The following FRAS1 variants were observed in gnomAD, a reference collection of about 807,000 sequenced individuals.
FRAS1 encodes the protein extracellular matrix organizing protein FRAS1.
In FRAS1, 290 loss-of-function variants were observed where a neutral mutation model predicts 435.2. The ratio of observed to expected loss-of-function variants is 0.67; its 90% CI spans 0.61 to 0.73. FRAS1 has a LOEUF of 0.73. FRAS1 is among the 30% of genes least tolerant of loss of function. The pLI is 0.00. For synonymous variants in FRAS1, 1,800 were observed against 1,851.0 expected (o/e 0.97, Z 0.71); for missense variants, 4,860 against 5,001.5 (o/e 0.97, Z 0.85).
intron 58 of FRAS1, among the ~76,000 whole-genome samples, chr4:78,487,190 T>C (rs557726508): frequency 1.0e-3 from 154 of 152,326 alleles, no homozygotes; most frequent in Non-Finnish European, 1.5e-3. Flanking sequence ...CCTAACTGGT[T>C]AGGCCTACAG....
Position 78,281,419 on chromosome 4 carries a change from GT to G in FRAS1, c.1095del (p.Lys366AsnfsTer24). 1 of 1,575,610 alleles carries G rather than the reference GT, an allele frequency of 6.3e-7. No homozygotes were observed. The highest frequency in any genetic ancestry group is 8.6e-7 in the Non-Finnish European group (1 of 1,162,238). On this transcript the variant is annotated frameshift_variant, in exon 11 of 74. Coordinates refer to ENST00000512123, the MANE Select transcript of FRAS1 (RefSeq NM_025074.7). LOFTEE classifies it high-confidence loss of function. ...GEFMSSNASE[V>X]KRIPEGEKWE... Reference sequence around the variant, plus strand: ...CTAGATGTCATCAAATGCTAGTGAAGTTAAACGTATTCCAGTAAGTATAGCT... The same window carrying G: ...CTAGATGTCATCAAATGCTAGTGAAGTAAACGTATTCCAGTAAGTATAGCT...
At chr4:78,097,969 G>A (rs1741901401) in intron 2 of FRAS1, among the ~76,000 whole-genome samples, 1 of 140,110 alleles carries the variant, frequency 7.1e-6, no homozygotes, top group African/African-American at 3.2e-5. Flanking sequence ...GAGGTCCTCA[G>A]AAGAAACCAT....
In FRAS1 at chr4:78,438,940, C is replaced by T. The variant is rs1224772266; in HGVS notation, c.5405C>T (p.Thr1802Ile). The change falls in exon 40 of 74, where the codon ACT becomes ATT. Residue 1802 changes from threonine (T) to isoleucine (I), a missense_variant. Physicochemically the swap from Thr to Ile is moderately conservative, Grantham distance 89. Transcript: ENST00000512123. ...AVFETDGHLV[T>I]DSFYFSVSDM... is the part of the protein sequence containing the mutation. The stretch of plus-strand genomic sequence containing the variant: ...TTTGAAACTGATGGTCATCTGGTTA[C>T]TGATAGCTTCTATTTCTCTGTCTCT... 6 of 1,612,164 alleles carry T rather than the reference C, an allele frequency of 3.7e-6. No homozygotes were observed. Among genetic ancestry groups the T allele is most frequent in the Non-Finnish European group, 5.1e-6 (6 of 1,179,506 alleles).
intron 2 of FRAS1, among the ~76,000 whole-genome samples, chr4:78,119,757 GA>G (rs1718905134): frequency 6.6e-6 from 1 of 152,172 alleles, no homozygotes; most frequent in Non-Finnish European, 1.5e-5. Flanking sequence ...CGAGATGAGG[GA>G]GGATCCTGAG....
At chr4:78,383,301 A>G (rs1732093177) in intron 27 of FRAS1, among the ~76,000 whole-genome samples, 1 of 152,222 alleles carries the variant, frequency 6.6e-6, no homozygotes, top group Non-Finnish European at 1.5e-5. Flanking sequence ...ATTGTGCTCC[A>G]GGACAGTCTG....
chr4:78,149,606 A>G (rs976410862), intron 2 of FRAS1, among the ~76,000 whole-genome samples: 4 of 152,084 alleles, frequency 2.6e-5, no homozygotes, highest in Non-Finnish European at 5.9e-5. Flanking sequence ...TCACTTGCTA[A>G]TCTATTTTGG....
chr4:78,476,651 G>C (rs1242310013), intron 54 of FRAS1, among the ~76,000 whole-genome samples: 1 of 152,154 alleles, frequency 6.6e-6, no homozygotes, highest in Admixed American at 6.5e-5. Context: ...ATGATAAGAC[G>C]GAGGATATTC....
At chr4:78,094,881 T>TG (rs1741713758) in intron 2 of FRAS1, among the ~76,000 whole-genome samples, 1 of 152,036 alleles carries the variant, frequency 6.6e-6, no homozygotes, top group South Asian at 2.1e-4. Context: ...ATCTGTAAAA[T>TG]GGGGGTAATA....
chr4:78,408,544 G>A (rs1385425751), intron 31 of FRAS1, among the ~76,000 whole-genome samples: 2 of 152,154 alleles, frequency 1.3e-5, no homozygotes, highest in East Asian at 3.9e-4. Flanking sequence ...ACTATCTTGT[G>A]ATAAGATCAT....
chr4:78,418,040 A>G (rs544342164), intron 32 of FRAS1, among the ~76,000 whole-genome samples: 1 of 152,320 alleles, frequency 6.6e-6, no homozygotes, highest in South Asian at 2.1e-4. Context: ...GGGAGTCTGA[A>G]GCTCTCCTTT....
At chr4:78,394,646 C>T (rs1227212546) in intron 29 of FRAS1, among the ~76,000 whole-genome samples, 2 of 151,912 alleles carry the variant, frequency 1.3e-5, no homozygotes, top group Non-Finnish European at 2.9e-5. Flanking sequence ...AGTGTGAGGC[C>T]ACCAGCTTTG....
chr4:78,403,357 CTT>C (rs1222669066), intron 30 of FRAS1, among the ~76,000 whole-genome samples: 2 of 152,100 alleles, frequency 1.3e-5, no homozygotes, highest in African/African-American at 4.8e-5. Context: ...TGCTGTAACT[CTT>C]TTAATTAACT....
intron 29 of FRAS1, among the ~76,000 whole-genome samples, chr4:78,388,647 T>G (rs1732322849): frequency 6.6e-6 from 1 of 151,686 alleles, no homozygotes; most frequent in South Asian, 2.1e-4. Context: ...AAGTTTTTTT[T>G]TTTTTTTTAA....
At chr4:78,468,984 G>A (rs1719621669) in intron 50 of FRAS1, among the ~76,000 whole-genome samples, 1 of 152,126 alleles carries the variant, frequency 6.6e-6, no homozygotes, top group African/African-American at 2.4e-5. Context: ...CTGGTATGTC[G>A]GTGGGATGGC....
chr4:78,103,109 G>A (rs1742215272), intron 2 of FRAS1, among the ~76,000 whole-genome samples: 1 of 152,176 alleles, frequency 6.6e-6, no homozygotes, highest in South Asian at 2.1e-4. Context: ...GGTTTCAGGG[G>A]AACTCTGAGG....
chr4:78,521,271 G>A (rs999909105), intron 67 of FRAS1, among the ~76,000 whole-genome samples: 12 of 151,960 alleles, frequency 7.9e-5, no homozygotes, highest in African/African-American at 2.9e-4. Context: ...TCTGGGTTAA[G>A]TGGAACTTAC....
rs142211597 is a variant in FRAS1 at position 78,364,297 on chromosome 4, T to C, written c.2722+243T>C. Reference sequence around the variant, plus strand: ...TCCTCTGTAAATGCCAGCTGTATGATCTTGGGCAGGTTATTTAACTTCTCT... The same window carrying C: ...TCCTCTGTAAATGCCAGCTGTATGACCTTGGGCAGGTTATTTAACTTCTCT... On this transcript the variant is annotated intron_variant, in intron 22 of 73. Coordinates refer to ENST00000512123, the MANE Select transcript of FRAS1 (RefSeq NM_025074.7). 5.4e-4 allele frequency among the ~76,000 whole-genome samples: 83 copies of C among 152,338 alleles called. No homozygotes were observed. In the East Asian group the frequency reaches 0.011, roughly 21 times the overall value.
chr4:78,133,007 G>A (rs189696682), intron 2 of FRAS1, among the ~76,000 whole-genome samples: 17 of 152,232 alleles, frequency 1.1e-4, no homozygotes, highest in African/African-American at 3.4e-4. Context: ...CCCAGGAGGC[G>A]GAAGTTGCAG....
chr4:78,276,231 G>A (rs1167224823), intron 9 of FRAS1, among the ~76,000 whole-genome samples: 2 of 151,876 alleles, frequency 1.3e-5, no homozygotes, highest in Non-Finnish European at 2.9e-5. Context: ...CTTTTTTCAA[G>A]GTTTTTATCT....
Sources: allele counts gnomAD v4.1 joint callset (sites outside exome capture counted in the v4.1 genomes callset), GRCh38; gene constraint gnomAD v4.1.1; transcripts MANE v1.5; gene names NCBI Gene and HGNC (gene_info 2026-07-23, HGNC 2026-07-21).